The following HCN1 variants were observed in gnomAD, a reference collection of about 807,000 sequenced individuals.
HCN1 encodes hyperpolarization activated cyclic nucleotide gated potassium channel 1, also known as potassium/sodium hyperpolarization-activated cyclic nucleotide-gated channel 1.
HCN1 carries 13 observed loss-of-function variants against 78.9 expected under a neutral mutation model. The observed-to-expected ratio is 0.16, with a 90% CI of 0.11 to 0.26. The LOEUF (loss-of-function observed/expected upper bound fraction) is 0.26, where lower values mean the gene tolerates loss of function less well. HCN1 is among the 10% of genes least tolerant of loss of function. The pLI, the probability that HCN1 is intolerant of heterozygous loss-of-function variation, is 1.00. For synonymous variants in HCN1, 552 were observed against 455.5 expected, an observed-to-expected ratio of 1.21 and a Z score of -2.70; for missense variants, 810 against 1,154.3, an observed-to-expected ratio of 0.70 and a Z score of 4.32.
chr5:45,469,811 G>A (rs1741352363), intron 2 of HCN1, among the ~76,000 whole-genome samples: 1 of 150,808 alleles, frequency 6.6e-6, no homozygotes, highest in Non-Finnish European at 1.5e-5. Flanking sequence ...GTGTGTGTTT[G>A]TGTGAATGTA....
rs1423119750 is a variant in HCN1 at position 45,461,885 on chromosome 5, G to A, written c.972C>T (p.Asp324=). The A allele has an allele frequency of 2.5e-6, 4 of 1,613,470 alleles. No homozygotes were observed. Among genetic ancestry groups the A allele is most frequent in the Non-Finnish European group, 3.4e-6 (4 of 1,179,578 alleles). The part of the protein sequence containing the change: ...CLQFLVPLLQ[D]FPPDCWVSLN... The stretch of plus-strand genomic sequence containing the variant: ...AAGACACCCAGCAATCTGGTGGGAA[G>A]TCCTGCAGTAGTGGTACTAAGAACT... The change falls in exon 3 of 8, where the codon GAC becomes GAT. Residue 324 remains aspartate, a synonymous_variant. Transcript: ENST00000303230.
chr5:45,658,367 T>A (rs1745829450), intron 1 of HCN1, among the ~76,000 whole-genome samples: 1 of 152,156 alleles, frequency 6.6e-6, no homozygotes, highest in South Asian at 2.1e-4. Context: ...GCAATGGTAA[T>A]GAAAGTCAGA....
chr5:45,418,428 A>G (rs1486952308), intron 3 of HCN1, among the ~76,000 whole-genome samples: 3 of 149,514 alleles, frequency 2.0e-5, no homozygotes, highest in East Asian at 4.1e-4. Context: ...GCTAAAAACT[A>G]TCACCTATCA....
At chr5:45,403,541 CA>C (rs1274082648) in intron 3 of HCN1, among the ~76,000 whole-genome samples, 1 of 152,118 alleles carries the variant, frequency 6.6e-6, no homozygotes, top group Non-Finnish European at 1.5e-5. Context: ...ATAAAACCAT[CA>C]GATCTAGTGA....
At chr5:45,597,527 C>T (rs954475796) in intron 2 of HCN1, among the ~76,000 whole-genome samples, 6 of 152,200 alleles carry the variant, frequency 3.9e-5, no homozygotes, top group African/African-American at 1.2e-4. Context: ...GATGCCCTCT[C>T]TCACCACTCC....
intron 2 of HCN1, among the ~76,000 whole-genome samples, chr5:45,634,882 G>T (rs1745331658): frequency 6.6e-6 from 1 of 152,004 alleles, no homozygotes; most frequent in South Asian, 2.1e-4. Flanking sequence ...CTTCTCCTTA[G>T]TATCATCCAA....
At chr5:45,411,511 G>A (rs558884971) in intron 3 of HCN1, among the ~76,000 whole-genome samples, 2 of 151,982 alleles carry the variant, frequency 1.3e-5, no homozygotes, top group East Asian at 1.9e-4. Flanking sequence ...ATAAAGCGAA[G>A]CAGGGCCCCT....
At chr5:45,443,983 G>A (rs1164807523) in intron 3 of HCN1, among the ~76,000 whole-genome samples, 5 of 152,064 alleles carry the variant, frequency 3.3e-5, no homozygotes, top group Non-Finnish European at 7.4e-5. Flanking sequence ...ACCCAAAGCA[G>A]CTACACATAA....
intron 2 of HCN1, among the ~76,000 whole-genome samples, chr5:45,522,940 G>A (rs1292087319): frequency 6.6e-6 from 1 of 151,734 alleles, no homozygotes; most frequent in Non-Finnish European, 1.5e-5. Flanking sequence ...CATGTGCCAT[G>A]CTAGTGTGCT....
intron 5 of HCN1, among the ~76,000 whole-genome samples, chr5:45,316,670 G>A (rs759354528): frequency 7.2e-5 from 11 of 152,140 alleles, no homozygotes; most frequent in African/African-American, 2.4e-4. Context: ...AAAACCCATC[G>A]TCTCAGCCCA....
At chr5:45,598,680 C>G (rs1744557536) in intron 2 of HCN1, among the ~76,000 whole-genome samples, 2 of 152,126 alleles carry the variant, frequency 1.3e-5, no homozygotes, top group Admixed American at 1.3e-4. Flanking sequence ...TGACAAAGTG[C>G]TAATATCCAG....
chr5:45,467,330 C>A (rs1030862792), intron 2 of HCN1, among the ~76,000 whole-genome samples: 1 of 152,020 alleles, frequency 6.6e-6, no homozygotes, highest in Admixed American at 6.6e-5. Flanking sequence ...CAACGTCACA[C>A]GTTATTTGTC....
chr5:45,564,183 C>T (rs527425244), intron 2 of HCN1, among the ~76,000 whole-genome samples: 1 of 152,228 alleles, frequency 6.6e-6, no homozygotes, highest in Non-Finnish European at 1.5e-5. Context: ...TAATCCCATC[C>T]TGATACCTCA....
At chr5:45,593,340 TCACACA>T (rs538486679) in intron 2 of HCN1, among the ~76,000 whole-genome samples, 196 of 125,594 alleles carry the variant, frequency 1.6e-3, no homozygotes, top group African/African-American at 4.9e-3. Flanking sequence ...TCTCTCTCTC[TCACACA>T]CACACACACA....
intron 2 of HCN1, among the ~76,000 whole-genome samples, chr5:45,641,208 T>C (rs1036533644): frequency 1.3e-5 from 2 of 152,226 alleles, no homozygotes; most frequent in Non-Finnish European, 2.9e-5. Flanking sequence ...TAATTATAGA[T>C]AGGCAATTTA....
At chr5:45,278,749 A>G (rs1745109807) in intron 6 of HCN1, among the ~76,000 whole-genome samples, 2 of 152,144 alleles carry the variant, frequency 1.3e-5, no homozygotes, top group South Asian at 4.1e-4. Context: ...AATATATTTT[A>G]TAGAATGTTT....
intron 2 of HCN1, among the ~76,000 whole-genome samples, chr5:45,619,380 C>T (rs978248515): frequency 1.3e-5 from 2 of 151,946 alleles, no homozygotes; most frequent in Admixed American, 6.6e-5. Context: ...AGAGAATACA[C>T]GGTGAATCGA....
At chr5:45,495,952 C>G (rs1579930546) in intron 2 of HCN1, among the ~76,000 whole-genome samples, 1 of 152,208 alleles carries the variant, frequency 6.6e-6, no homozygotes, top group East Asian at 1.9e-4. Context: ...GGATGAAGCC[C>G]ACTTGATCAT....
At chr5:45,616,519 A>AT (rs1744957484) in intron 2 of HCN1, among the ~76,000 whole-genome samples, 1 of 152,058 alleles carries the variant, frequency 6.6e-6, no homozygotes, top group Non-Finnish European at 1.5e-5. Flanking sequence ...AGATATTATT[A>AT]TTTTTACTTT....
Sources: allele counts gnomAD v4.1 joint callset (sites outside exome capture counted in the v4.1 genomes callset), GRCh38; gene constraint gnomAD v4.1.1; transcripts MANE v1.5; gene names NCBI Gene and HGNC (gene_info 2026-07-23, HGNC 2026-07-21).